PRMT1: variants seen among roughly 807,000 people sequenced by gnomAD.
PRMT1 encodes protein arginine N-methyltransferase 1.
Under a neutral mutation model 47.4 loss-of-function variants are expected in PRMT1, and 5 were observed. The ratio of observed to expected loss-of-function variants is 0.11; its 90% confidence interval spans 0.06 to 0.22. The LOEUF is 0.22. PRMT1 is among the 10% of genes least tolerant of loss of function. PRMT1 has a pLI of 1.00. For synonymous variants in PRMT1, 227 were observed against 204.6 expected (o/e 1.11, Z -0.94); for missense variants, 249 against 518.4 (o/e 0.48, Z 5.05).
In PRMT1 at chr19:49,685,513, C is replaced by T; in HGVS notation, c.759+476C>T. 2 of 1,016,026 alleles carry T rather than the reference C, an allele frequency of 2.0e-6. No individual in the cohort carries two copies. The highest frequency in any genetic ancestry group is 2.4e-6 in the Non-Finnish European group (2 of 848,684). The allele number at this position is 1,016,026 out of a possible 1,614,324, so 62.9% of individuals were successfully genotyped here. On this transcript the variant is annotated intron_variant, in intron 8 of 10. Transcript: ENST00000454376. This position sits in a 1 kb window ranked among gnomAD's most constrained non-coding sequence, Gnocchi z 4.7. ...TGACAATGTTTTGTTTTGTTTTTTC[C>T]TTTTGTTTTTTTTTACTTCTGAGAC...
intron 10 of PRMT1, among the ~76,000 whole-genome samples, chr19:49,687,417 A>G (rs1015779513): frequency 6.6e-6 from 1 of 151,840 alleles, no homozygotes. Context: ...GGTGGGTGGC[A>G]CTCAGGGTAG....
At position 49,686,136 on chromosome 19, in the gene PRMT1, C is replaced by G; in HGVS notation, c.803C>G (p.Thr268Ser). The change falls in exon 9 of 11, where the codon ACC becomes AGC. Residue 268 changes from threonine to serine, a missense_variant. Coordinates refer to ENST00000454376, the MANE Select transcript of PRMT1 (RefSeq NM_001536.6). ...YTVKVEDLTF[T>S]SPFCLQVKRN... is the part of the protein sequence containing the mutation. Reference sequence around the variant, plus strand: ...GTCAAGGTGGAAGACCTGACCTTCACCTCCCCGTTCTGCCTGCAAGTGAAG... The same window carrying G: ...GTCAAGGTGGAAGACCTGACCTTCAGCTCCCCGTTCTGCCTGCAAGTGAAG... 1.9e-6 allele frequency: 3 copies of G among 1,614,086 alleles called. No individual in the cohort carries two copies. The highest frequency in any genetic ancestry group is 2.5e-6 in the Non-Finnish European group (3 of 1,179,978).
Position 49,684,170 on chromosome 19 carries a change from G to A in PRMT1, c.555+101G>A. ...TCCCACAGACGGGACTTACTGTGGG[G>A]GCTTAGCTGCAAGGTGTTAGAAAGC... On this transcript the variant is annotated intron_variant, in intron 6 of 10. Transcript: ENST00000454376. This position sits in a 1 kb window ranked among gnomAD's most constrained non-coding sequence, Gnocchi z 6.2. 6.7e-7 allele frequency: 1 copy of A among 1,485,604 alleles called. No homozygotes were observed. The highest frequency in any genetic ancestry group is 9.2e-7 in the Non-Finnish European group (1 of 1,083,886). 92.0% of individuals were successfully genotyped at this position (1,485,604 alleles called of 1,614,324 possible).
chr19:49,680,641 G>C lies in PRMT1; in HGVS notation c.192+53G>C. The C allele has an allele frequency of 7.1e-7, 1 of 1,407,502 alleles. No homozygotes were observed. Among genetic ancestry groups the C allele is most frequent in the Non-Finnish European group, 1.0e-6 (1 of 994,656 alleles). 87.2% of individuals were successfully genotyped at this position (1,407,502 alleles called of 1,614,324 possible). The stretch of plus-strand genomic sequence containing the variant: ...AATCTTAGGGGGGCTTAAATGTTGG[G>C]GAAGGGGTGGAACCTGTTTTCCCAC... On this transcript the variant is annotated intron_variant, in intron 3 of 10. Transcript: ENST00000454376. The surrounding 1 kb of genome is among the most constrained non-coding windows in gnomAD (Gnocchi z 4.2).
At position 49,685,999 on chromosome 19, in the gene PRMT1, C is replaced by T. The variant is rs746684859; in HGVS notation, c.760-94C>T. The stretch of plus-strand genomic sequence containing the variant: ...GGGAGGGCTAGCAGGAAGGGGACAG[C>T]GAGGTCACAGGCCCTCTGGGAGCTT... On this transcript the variant is annotated intron_variant, in intron 8 of 10. Coordinates refer to ENST00000454376, the MANE Select transcript of PRMT1 (RefSeq NM_001536.6). The surrounding 1 kb of genome is among the most constrained non-coding windows in gnomAD (Gnocchi z 4.7). 178 of 1,527,390 alleles carry T rather than the reference C, an allele frequency of 1.2e-4. No individual in the cohort carries two copies. The highest frequency in any genetic ancestry group is 2.4e-4 in the Middle Eastern group (1 of 4,212). 94.6% of individuals were successfully genotyped at this position (1,527,390 alleles called of 1,614,324 possible). A position where few individuals can be genotyped will look rare whatever the true frequency, so the allele number is the denominator to read the frequency against.
At position 49,685,360 on chromosome 19, in the gene PRMT1, C is replaced by A; in HGVS notation, c.759+323C>A. The A allele has an allele frequency of 7.9e-7, 1 of 1,272,032 alleles. No homozygotes were observed. The highest frequency in any genetic ancestry group is 1.0e-6 in the Non-Finnish European group (1 of 996,392). 78.8% of individuals were successfully genotyped at this position (1,272,032 alleles called of 1,614,324 possible). ...GGATGCACATGCACGCGGGCCACTG[C>A]AGAAGAGCACGGGGCCAGGCTGGGC... On this transcript the variant is annotated intron_variant, in intron 8 of 10. Coordinates refer to ENST00000454376, the MANE Select transcript of PRMT1 (RefSeq NM_001536.6). The surrounding 1 kb of genome is among the most constrained non-coding windows in gnomAD (Gnocchi z 4.7).
Position 49,686,613 on chromosome 19 carries a change from T to A in PRMT1, c.919T>A (p.Ser307Thr). 1 of 1,609,218 alleles carries A rather than the reference T, an allele frequency of 6.2e-7. No homozygotes were observed. The highest frequency in any genetic ancestry group is 8.5e-7 in the Non-Finnish European group (1 of 1,178,926). ...CCCGCCCGCGCCCCCAGGCCCCGAG[T>A]CCCCGTACACGCACTGGAAGCAGAC... ...KRTGFSTSPESPYTHWKQTVF... is the reference protein window; with the variant it reads ...KRTGFSTSPETPYTHWKQTVF... The change falls in exon 10 of 11, where the codon TCC (serine) becomes ACC (threonine). Residue 307 changes from serine (S) to threonine (T), a missense_variant. Physicochemically the swap from Ser to Thr is moderately conservative, Grantham distance 58. Coordinates refer to ENST00000454376, the MANE Select transcript of PRMT1 (RefSeq NM_001536.6).
rs1472468946 is a variant in PRMT1, at chr19:49,686,137, C to T, written c.804C>T (p.Thr268=). The T allele has an allele frequency of 1.9e-6, 3 of 1,614,084 alleles. No homozygotes were observed. Among genetic ancestry groups the T allele is most frequent in the East Asian group, 4.5e-5 (2 of 44,876 alleles). The change falls in exon 9 of 11, where the codon ACC becomes ACT. Residue 268 remains threonine (T), a synonymous_variant. Coordinates refer to ENST00000454376, the MANE Select transcript of PRMT1 (RefSeq NM_001536.6). ...YTVKVEDLTF[T]SPFCLQVKRN... ...TCAAGGTGGAAGACCTGACCTTCAC[C>T]TCCCCGTTCTGCCTGCAAGTGAAGC... is the stretch of plus-strand genomic sequence containing the variant.
In PRMT1 at chr19:49,685,539, C is replaced by T; in HGVS notation, c.759+502C>T. The T allele has an allele frequency of 9.8e-7, 1 of 1,018,754 alleles. No individual in the cohort carries two copies. The highest frequency in any genetic ancestry group is 3.7e-5 in the South Asian group (1 of 26,952). The allele number at this position is 1,018,754 out of a possible 1,614,324, so 63.1% of individuals were successfully genotyped here. The stretch of plus-strand genomic sequence containing the variant: ...TTTTGTTTTTTTTTACTTCTGAGAC[C>T]CTGTTTAAAAAAAAAAAATACGGCG... On this transcript the variant is annotated intron_variant, in intron 8 of 10. Coordinates refer to ENST00000454376, the MANE Select transcript of PRMT1 (RefSeq NM_001536.6). This position sits in a 1 kb window ranked among gnomAD's most constrained non-coding sequence, Gnocchi z 4.7.
rs1374466996 is a variant in PRMT1, at chr19:49,681,034, G to A, written c.192+446G>A. ...CTGAGGCCTTTTTCATAAAATTGTG[G>A]CAAAATATGCATAAAATTGCCATTT... is the stretch of plus-strand genomic sequence containing the variant. On this transcript the variant is annotated intron_variant, in intron 3 of 10. Transcript: ENST00000454376. The surrounding 1 kb of genome is among the most constrained non-coding windows in gnomAD (Gnocchi z 4.4). Among the ~76,000 whole-genome samples the A allele has an allele frequency of 6.6e-6, 1 of 152,208 alleles. No individual in the cohort carries two copies. The highest frequency in any genetic ancestry group is 1.5e-5 in the Non-Finnish European group (1 of 68,038).
At position 49,684,781 on chromosome 19, in the gene PRMT1, C is replaced by T. The variant is rs776029731; in HGVS notation, c.583C>T (p.Arg195Trp). ...LAPDGLIFPD[R>W]ATLYVTAIED... ...GCCCGATGGCCTCATCTTCCCAGAC[C>T]GGGCCACGCTGTATGTGACGGCCAT... Residue 195 changes from arginine to tryptophan, a missense_variant, in exon 7 of 11, where the codon CGG becomes TGG. Arg to Trp is a moderately radical substitution (Grantham distance 101). Transcript: ENST00000454376. The surrounding 1 kb of genome is among the most constrained non-coding windows in gnomAD (Gnocchi z 6.2). 3 of 1,566,804 alleles carry T rather than the reference C, an allele frequency of 1.9e-6. No homozygotes were observed. The highest frequency in any genetic ancestry group is 2.6e-6 in the Non-Finnish European group (3 of 1,155,630).
chr19:49,683,257 C>T (rs1038919175), intron 5 of PRMT1, among the ~76,000 whole-genome samples: 11 of 151,850 alleles, frequency 7.2e-5, no homozygotes, highest in South Asian at 2.1e-4. Flanking sequence ...AATGAACGCA[C>T]GAGTCCATTT....
upstream of PRMT1, chr19:49,677,031 C>G (rs887824881): frequency 7.6e-6 from 3 of 393,120 alleles, no homozygotes; most frequent in African/African-American, 6.2e-5. Flanking sequence ...GGGCAGTTTT[C>G]CCCATCCCGG....
chr19:49,685,042 G>A lies in PRMT1; in HGVS notation c.759+5G>A. The A allele has an allele frequency of 6.2e-7, 1 of 1,614,112 alleles. No individual in the cohort carries two copies. The highest frequency in any genetic ancestry group is 8.5e-7 in the Non-Finnish European group (1 of 1,179,986). ...ACCAACGCCTGCCTCATAAAGGTGA[G>A]GGGGTGGGCATGGCCAGGTGCCCCC... On this transcript the variant is annotated splice_donor_5th_base_variant and intron_variant, in intron 8 of 10. Coordinates refer to ENST00000454376, the MANE Select transcript of PRMT1 (RefSeq NM_001536.6). This position sits in a 1 kb window ranked among gnomAD's most constrained non-coding sequence, Gnocchi z 4.7.
rs1031544804 is a variant in PRMT1, at chr19:49,684,255, G to A, written c.555+186G>A. ...GAGATGGTGCGATGTGGGGGAGGTCGTAGGAACAGGAAATCCGTAGCGGCG... is the reference window on the plus strand; with the variant it reads ...GAGATGGTGCGATGTGGGGGAGGTCATAGGAACAGGAAATCCGTAGCGGCG... On this transcript the variant is annotated intron_variant, in intron 6 of 10. Coordinates refer to ENST00000454376, the MANE Select transcript of PRMT1 (RefSeq NM_001536.6). This position sits in a 1 kb window ranked among gnomAD's most constrained non-coding sequence, Gnocchi z 6.2. 4.6e-5 allele frequency among the ~76,000 whole-genome samples: 7 copies of A among 152,108 alleles called. No homozygotes were observed. The highest frequency in any genetic ancestry group is 1.9e-4 in the East Asian group (1 of 5,156).
chr19:49,684,411 C>T lies in PRMT1; in HGVS notation c.555+342C>T, dbSNP rs931483863. On this transcript the variant is annotated intron_variant, in intron 6 of 10. Transcript: ENST00000454376. The surrounding 1 kb of genome is among the most constrained non-coding windows in gnomAD (Gnocchi z 6.2). Reference sequence around the variant, plus strand: ...CTGCGTGTGGAACAGCAGGGAGGCCCGTGTGGAAGGAGGGTCTAGAACGGC... The same window carrying T: ...CTGCGTGTGGAACAGCAGGGAGGCCTGTGTGGAAGGAGGGTCTAGAACGGC... 6.6e-6 allele frequency among the ~76,000 whole-genome samples: 1 copy of T among 151,894 alleles called. No individual in the cohort carries two copies. Among genetic ancestry groups the T allele is most frequent in the Non-Finnish European group, 1.5e-5 (1 of 67,946 alleles).
rs1355544170 is a variant in PRMT1 at position 49,687,700 on chromosome 19, T to TGGAGAGGGAGGA, written c.1033-457_1033-446dup. Among the ~76,000 whole-genome samples, 29 of 152,094 alleles carry TGGAGAGGGAGGA rather than the reference T, an allele frequency of 1.9e-4. No homozygotes were observed. In the East Asian group the frequency reaches 5.6e-3, roughly 29 times the overall value. On this transcript the variant is annotated intron_variant, in intron 10 of 10. Coordinates refer to ENST00000454376, the MANE Select transcript of PRMT1 (RefSeq NM_001536.6). ...ACGGCACTAGCTGGGAAACGGATAC[T>TGGAGAGGGAGGA]GGAGAGGGAGGAGGAGTCCTCGGGC...
upstream of PRMT1, among the ~76,000 whole-genome samples, chr19:49,676,808 T>C (rs1380546802): frequency 2.0e-5 from 3 of 152,224 alleles, no homozygotes; most frequent in African/African-American, 7.2e-5. Context: ...GGCCGGCCGC[T>C]TGGCGAGGGT....
At chr19:49,683,726 C>T in intron 5 of PRMT1, 1 of 584,496 alleles carries the variant, frequency 1.7e-6, no homozygotes, top group South Asian at 2.1e-5. Context: ...CACCTGATAC[C>T]CAGTCCACAT....
Sources: gnomAD v4.1 joint callset for allele counts (sites outside exome capture counted in the v4.1 genomes callset) on GRCh38, gnomAD v4.1.1 for gene constraint, Gnocchi (gnomAD v3.1) non-coding constraint, MANE v1.5 for transcripts, NCBI Gene and HGNC (gene_info 2026-07-23, HGNC 2026-07-21) for gene names.